SEC24B: variants seen among roughly 807,000 people sequenced by gnomAD.
The protein encoded by SEC24B is SEC24 homolog B, COPII component.
SEC24B carries 45 observed loss-of-function variants against 142.8 expected under a neutral mutation model. The ratio of observed to expected loss-of-function variants is 0.32; its 90% CI spans 0.25 to 0.40. The LOEUF is 0.40. Among genes scored for constraint, SEC24B ranks in the 10% least tolerant of loss-of-function variants. The probability of loss-of-function intolerance (pLI) is 1.00; values close to 1 mark genes in which losing one functional copy is unlikely to be tolerated. For missense variants in SEC24B, 1,409 were observed against 1,526.8 expected, an observed-to-expected ratio of 0.92 and a Z score of 1.29; for synonymous variants, 574 against 568.2, an observed-to-expected ratio of 1.01 and a Z score of -0.15.
In SEC24B at chr4:109,526,244, T is replaced by A. The variant is rs763044095; in HGVS notation, c.2810T>A (p.Phe937Tyr). The change falls in exon 17 of 24, where the codon TTT becomes TAT. Residue 937 changes from phenylalanine (F) to tyrosine (Y), a missense_variant. Coordinates refer to ENST00000265175, the MANE Select transcript of SEC24B (RefSeq NM_006323.5). ...RCTKGLSMHT[F>Y]HGNFFVRSTD... ...TTTTTAGGTCTTTCAATGCACACTT[T>A]TCACGGTAACTTCTTTGTCCGTTCT... 10 of 1,613,864 alleles carry A rather than the reference T, an allele frequency of 6.2e-6. No individual in the cohort carries two copies. The highest frequency in any genetic ancestry group is 8.5e-6 in the Non-Finnish European group (10 of 1,179,960).
At chr4:109,475,307 T>C (rs1435370661) in intron 3 of SEC24B, among the ~76,000 whole-genome samples, 1 of 152,220 alleles carries the variant, frequency 6.6e-6, no homozygotes, top group Non-Finnish European at 1.5e-5. Context: ...CTACCACATA[T>C]GGTGGTGCGA....
At chr4:109,441,502 C>T (rs370343158) in intron 1 of SEC24B, among the ~76,000 whole-genome samples, 1 of 152,206 alleles carries the variant, frequency 6.6e-6, no homozygotes, top group Non-Finnish European at 1.5e-5. Flanking sequence ...ATGATCACAG[C>T]TCACTGCAGT....
chr4:109,512,817 A>C (rs57334274), intron 9 of SEC24B, among the ~76,000 whole-genome samples: 2,243 of 151,538 alleles, frequency 0.015, 38 homozygotes, highest in African/African-American at 0.038. Flanking sequence ...TTGCACCACC[A>C]CACCTGGCTA....
At chr4:109,495,986 C>G (rs1039619374) in intron 6 of SEC24B, among the ~76,000 whole-genome samples, 1 of 152,092 alleles carries the variant, frequency 6.6e-6, no homozygotes, top group African/African-American at 2.4e-5. Context: ...CTGACATGAC[C>G]TTTTCTGGAG....
intron 14 of SEC24B, among the ~76,000 whole-genome samples, chr4:109,522,973 A>G (rs1334565750): frequency 3.3e-5 from 5 of 152,122 alleles, no homozygotes; most frequent in African/African-American, 4.8e-5. Flanking sequence ...AGATCAAGCA[A>G]TACCCCTACC....
chr4:109,536,931 T>A (rs1725611580), intron 22 of SEC24B, among the ~76,000 whole-genome samples: 1 of 152,046 alleles, frequency 6.6e-6, no homozygotes, highest in African/African-American at 2.4e-5. Flanking sequence ...ACATTTATAT[T>A]TGGTAACAAT....
At chr4:109,487,876 C>T (rs908277616) in intron 4 of SEC24B, among the ~76,000 whole-genome samples, 1 of 152,088 alleles carries the variant, frequency 6.6e-6, no homozygotes, top group Non-Finnish European at 1.5e-5. Context: ...AAAATTAATA[C>T]TTTAAAACTT....
intron 1 of SEC24B, among the ~76,000 whole-genome samples, chr4:109,449,888 T>G (rs758783059): frequency 2.0e-5 from 3 of 152,192 alleles, no homozygotes; most frequent in Non-Finnish European, 4.4e-5. Context: ...GTCTGTTTAT[T>G]AGGAGTGATT....
At chr4:109,467,380 C>A (rs1217906728) in intron 2 of SEC24B, among the ~76,000 whole-genome samples, 1 of 147,732 alleles carries the variant, frequency 6.8e-6, no homozygotes, top group Admixed American at 6.7e-5. Context: ...TTGAGTGTTA[C>A]ATTAGTTGTT....
chr4:109,491,905 C>T (rs1269467390), intron 5 of SEC24B, among the ~76,000 whole-genome samples: 2 of 152,072 alleles, frequency 1.3e-5, no homozygotes, highest in African/African-American at 4.8e-5. Context: ...CCATTACATT[C>T]AAGTACAGGA....
At chr4:109,497,793 T>C (rs1303589859) in intron 6 of SEC24B, among the ~76,000 whole-genome samples, 3 of 152,188 alleles carry the variant, frequency 2.0e-5, no homozygotes, top group Non-Finnish European at 2.9e-5. Flanking sequence ...CCCTGTCTTT[T>C]AGTGAGTGTA....
chr4:109,473,050 C>A lies in SEC24B; in HGVS notation c.924C>A (p.Pro308=). 6.3e-7 allele frequency: 1 copy of A among 1,592,410 alleles called. No homozygotes were observed. The highest frequency in any genetic ancestry group is 1.8e-5 in the Admixed American group (1 of 56,744). ...CTGTTATGCAAAATGTTCAGCCTCC[C>A]AAGTCCAGCCCAGTGGTATCCACTG... ...SCPVMQNVQP[P]KSSPVVSTVL... The change falls in exon 3 of 24, where the codon CCC becomes CCA. Residue 308 remains proline (P), a synonymous_variant. Coordinates refer to ENST00000265175, the MANE Select transcript of SEC24B (RefSeq NM_006323.5).
intron 3 of SEC24B, among the ~76,000 whole-genome samples, chr4:109,474,663 G>T (rs1482358776): frequency 3.3e-5 from 5 of 152,116 alleles, no homozygotes; most frequent in African/African-American, 1.2e-4. Context: ...GACCTCAGGT[G>T]ATCCGCCCAC....
chr4:109,531,106 G>A (rs972314670), intron 19 of SEC24B, among the ~76,000 whole-genome samples: 1 of 152,032 alleles, frequency 6.6e-6, no homozygotes, highest in African/African-American at 2.4e-5. Context: ...CATGTCTCTG[G>A]CACCATAAAA....
At chr4:109,441,510 A>C (rs530340987) in intron 1 of SEC24B, among the ~76,000 whole-genome samples, 11 of 152,300 alleles carry the variant, frequency 7.2e-5, no homozygotes, top group African/African-American at 2.6e-4. Flanking sequence ...AGCTCACTGC[A>C]GTCTTGACCT....
chr4:109,507,902 C>G (rs1736878023), intron 7 of SEC24B, among the ~76,000 whole-genome samples: 1 of 152,186 alleles, frequency 6.6e-6, no homozygotes, highest in Non-Finnish European at 1.5e-5. Flanking sequence ...ACCTCGTCCT[C>G]CCAAAGTGCT....
chr4:109,464,508 C>CTG (rs1731655847), intron 2 of SEC24B, among the ~76,000 whole-genome samples: 1 of 152,162 alleles, frequency 6.6e-6, no homozygotes, highest in African/African-American at 2.4e-5. Context: ...ACGCGAGCTA[C>CTG]TGTGCCTGGC....
At chr4:109,434,269 T>C (rs1396616980) in intron 1 of SEC24B, among the ~76,000 whole-genome samples, 1 of 151,980 alleles carries the variant, frequency 6.6e-6, no homozygotes, top group Non-Finnish European at 1.5e-5. Flanking sequence ...CCGTGGCTGT[T>C]TATGTAATGC....
At position 109,521,430 on chromosome 4, in the gene SEC24B, A is replaced by G; in HGVS notation, c.2312A>G (p.Asp771Gly). 6.2e-7 allele frequency: 1 copy of G among 1,613,444 alleles called. No homozygotes were observed. The highest frequency in any genetic ancestry group is 8.5e-7 in the Non-Finnish European group (1 of 1,179,546). ...NLYESKELIK[D>G]LLNALPNMFT... is the part of the protein sequence containing the mutation. ...TCTTTGTTTTCTCAGCTTATAAAAG[A>G]CTTACTGAATGCATTACCAAACATG... Residue 771 changes from aspartate (D) to glycine (G), a missense_variant, in exon 14 of 24, where the codon GAC (aspartate) becomes GGC (glycine). Around this residue, in one of 2 missense-constraint regions of SEC24B, gnomAD observed 700 missense variants for 853.3 expected, o/e 0.82. Coordinates refer to ENST00000265175, the MANE Select transcript of SEC24B (RefSeq NM_006323.5).
Sources: gnomAD v4.1 joint callset for allele counts (sites outside exome capture counted in the v4.1 genomes callset) on GRCh38, gnomAD v4.1.1 for gene constraint, gnomAD v4.1.1 regional missense constraint, MANE v1.5 for transcripts, NCBI Gene and HGNC (gene_info 2026-07-23, HGNC 2026-07-21) for gene names.